The following XKR9 variants were observed in gnomAD, a reference collection of about 807,000 sequenced individuals.
The protein encoded by XKR9 is XK related 9.
XKR9 carries 32 observed loss-of-function variants against 32.0 expected under a neutral mutation model. That is an observed-to-expected ratio of 1.00 (90% CI 0.76 to 1.34). XKR9 has a LOEUF of 1.34. Among genes scored for constraint, XKR9 ranks in the 40% most tolerant of loss-of-function variants. XKR9 has a pLI of 0.00. For synonymous variants in XKR9, 168 were observed against 143.4 expected (o/e 1.17, Z -1.22); for missense variants, 546 against 429.7 (o/e 1.27, Z -2.39).
chr8:70,699,558 A>G (rs1046243171), intron 3 of XKR9, among the ~76,000 whole-genome samples: 2 of 152,176 alleles, frequency 1.3e-5, no homozygotes, highest in African/African-American at 2.4e-5. Context: ...ATCTGCTGTT[A>G]GTCTGATGGG....
intron 2 of XKR9, among the ~76,000 whole-genome samples, chr8:70,752,780 A>G (rs1807160691): frequency 6.6e-6 from 1 of 152,218 alleles, no homozygotes; most frequent in Non-Finnish European, 1.5e-5. Context: ...TGTAGAGGGA[A>G]ATTTATAGCA....
At chr8:71,010,330 A>C in the XKR9 span, among the ~76,000 whole-genome samples, 1 of 152,136 alleles carries the variant, frequency 6.6e-6, no homozygotes, top group African/African-American at 2.4e-5. Context: ...CTTTTGAAGA[A>C]TTTGTATTGT....
the XKR9 span, among the ~76,000 whole-genome samples, chr8:70,960,140 G>C: frequency 1.3e-5 from 2 of 152,106 alleles, no homozygotes; most frequent in Non-Finnish European, 2.9e-5. Flanking sequence ...AGCTACTTGG[G>C]AGGCTGAGGC....
the XKR9 span, among the ~76,000 whole-genome samples, chr8:70,815,475 T>C: frequency 4.6e-5 from 7 of 151,754 alleles, no homozygotes; most frequent in Admixed American, 2.6e-4. Context: ...CCTCCATCCA[T>C]GGTCCCTACA....
chr8:70,699,819 C>G (rs1487203590), intron 3 of XKR9, among the ~76,000 whole-genome samples: 3 of 152,182 alleles, frequency 2.0e-5, no homozygotes, highest in Admixed American at 6.5e-5. Context: ...TTCAGGAACA[C>G]CAATCAGATG....
chr8:70,765,746 AT>A (rs766329705), intron 2 of XKR9, among the ~76,000 whole-genome samples: 8 of 152,148 alleles, frequency 5.3e-5, no homozygotes, highest in Non-Finnish European at 1.2e-4. Flanking sequence ...TAAGTCTTAC[AT>A]TTAAGTCTTG....
chr8:70,691,822 A>G (rs1805080753), intron 3 of XKR9, among the ~76,000 whole-genome samples: 1 of 152,146 alleles, frequency 6.6e-6, no homozygotes, highest in African/African-American at 2.4e-5. Flanking sequence ...ATAGCCCTGT[A>G]GTATAGTTTG....
At chr8:70,900,605 A>T in the XKR9 span, among the ~76,000 whole-genome samples, 2 of 151,252 alleles carry the variant, frequency 1.3e-5, no homozygotes, top group East Asian at 3.9e-4. Context: ...TAAATGAATA[A>T]ATAAATAAAT....
chr8:70,982,804 T>C, the XKR9 span, among the ~76,000 whole-genome samples: 1 of 152,354 alleles, frequency 6.6e-6, no homozygotes, highest in South Asian at 2.1e-4. Context: ...AGGAACTACA[T>C]GCTAGTCCTG....
downstream of XKR9, among the ~76,000 whole-genome samples, chr8:70,790,684 C>T (rs1271862037): frequency 6.6e-6 from 1 of 151,990 alleles, no homozygotes; most frequent in Non-Finnish European, 1.5e-5. Context: ...CTCAGAGTCC[C>T]CAAAATAACC....
chr8:70,738,972 G>T (rs1303239402), downstream of XKR9, among the ~76,000 whole-genome samples: 2 of 152,184 alleles, frequency 1.3e-5, no homozygotes, highest in African/African-American at 4.8e-5. Flanking sequence ...GAGTTCTGTA[G>T]ATGTCTATTA....
the XKR9 span, among the ~76,000 whole-genome samples, chr8:70,856,276 A>G: frequency 1.5e-4 from 23 of 152,250 alleles, no homozygotes; most frequent in Admixed American, 8.5e-4. Flanking sequence ...TAAAGGGATG[A>G]AGGAAGATCT....
intron 2 of XKR9, among the ~76,000 whole-genome samples, chr8:70,784,602 G>A (rs1323892419): frequency 6.6e-6 from 1 of 151,790 alleles, no homozygotes; most frequent in Admixed American, 6.6e-5. Flanking sequence ...TATTGGTAGA[G>A]TATGTAGGGT....
At chr8:70,786,078 A>C (rs1032261699) in intron 2 of XKR9, among the ~76,000 whole-genome samples, 2 of 151,872 alleles carry the variant, frequency 1.3e-5, no homozygotes, top group Admixed American at 1.3e-4. Flanking sequence ...TGTATTTGTT[A>C]ATTTTCTGAA....
the XKR9 span, among the ~76,000 whole-genome samples, chr8:71,031,278 T>G: frequency 1.3e-5 from 2 of 152,170 alleles, no homozygotes; most frequent in African/African-American, 4.8e-5. Context: ...AATTCCTTCT[T>G]CCATATATAG....
chr8:70,966,982 C>T, the XKR9 span, among the ~76,000 whole-genome samples: 16 of 151,952 alleles, frequency 1.1e-4, no homozygotes, highest in South Asian at 2.1e-4. Context: ...GTAAATTTTC[C>T]TCCATCCCTT....
intron 2 of XKR9, among the ~76,000 whole-genome samples, chr8:70,756,307 C>T (rs535606235): frequency 6.6e-6 from 1 of 152,284 alleles, no homozygotes; most frequent in African/African-American, 2.4e-5. Context: ...TGTGATTCCT[C>T]AGTTTATTAT....
At chr8:70,874,682 C>T in the XKR9 span, among the ~76,000 whole-genome samples, 3 of 152,144 alleles carry the variant, frequency 2.0e-5, no homozygotes, top group Admixed American at 1.3e-4. Flanking sequence ...GTATTGACTT[C>T]GTATCTGAAA....
chr8:70,820,775 G>A, the XKR9 span, among the ~76,000 whole-genome samples: 22 of 152,218 alleles, frequency 1.4e-4, no homozygotes, highest in South Asian at 8.3e-4. Flanking sequence ...GTGAGAACTC[G>A]CTCATTATCA....
Sources: gnomAD v4.1 joint callset for allele counts (sites outside exome capture counted in the v4.1 genomes callset) on GRCh38, gnomAD v4.1.1 for gene constraint, MANE v1.5 for transcripts, NCBI Gene and HGNC (gene_info 2026-07-23, HGNC 2026-07-21) for gene names.